Variants in TNFRSF13B observed in about 807,000 individuals in gnomAD.
The protein encoded by TNFRSF13B is TNF receptor superfamily member 13B.
TNFRSF13B carries 34 observed loss-of-function variants against 24.0 expected under a neutral mutation model. That is an observed-to-expected ratio of 1.41 (90% CI 1.08 to 1.88). TNFRSF13B has a LOEUF of 1.88. Among genes scored for constraint, TNFRSF13B ranks in the 40% most tolerant of loss-of-function variants. TNFRSF13B has a pLI of 0.00. For missense variants in TNFRSF13B, 415 were observed against 380.8 expected, an observed-to-expected ratio of 1.09 and a Z score of -0.75; for synonymous variants, 173 against 150.3, an observed-to-expected ratio of 1.15 and a Z score of -1.10.
chr17:16,939,928 C>G, intron 4 of TNFRSF13B, 131 bp from the exon 5 acceptor site: 2 of 1,313,154 alleles, frequency 1.5e-6, no homozygotes, highest in Non-Finnish European at 2.0e-6. Context: ...CGCCCCCAGA[C>G]AGGTGTCAGT....
chr17:16,948,827 C>T lies in TNFRSF13B; in HGVS notation c.356G>A (p.Arg119Lys), dbSNP rs1432445886. 1 of 1,614,104 alleles carries T rather than the reference C, an allele frequency of 6.2e-7. No individual in the cohort carries two copies. The highest frequency in any genetic ancestry group is 1.3e-5 in the African/African-American group (1 of 74,940). ...TTCAACTTCTCCACTCCGCTGTCTCCTGAGCTCTGGTGGAAGGTTCACTGG... is the reference window on the plus strand; with the variant it reads ...TTCAACTTCTCCACTCCGCTGTCTCTTGAGCTCTGGTGGAAGGTTCACTGG... Reference protein sequence around the residue: ...RSPVNLPPELRRQRSGEVENN... With the variant: ...RSPVNLPPELKRQRSGEVENN... The change falls in exon 3 of 5, where the codon AGG becomes AAG. Residue 119 changes from arginine to lysine, a missense_variant. By Grantham distance (26) the Arg-to-Lys change is conservative. Transcript: ENST00000261652.
At chr17:16,945,516 C>T (rs1331640927) in intron 3 of TNFRSF13B, among the ~76,000 whole-genome samples, 1 of 152,250 alleles carries the variant, frequency 6.6e-6, no homozygotes, top group Non-Finnish European at 1.5e-5. Flanking sequence ...GAGACTCACT[C>T]TCTAGATCTG....
chr17:16,945,143 T>C (rs1345575640), intron 3 of TNFRSF13B, among the ~76,000 whole-genome samples: 1 of 152,174 alleles, frequency 6.6e-6, no homozygotes, highest in Non-Finnish European at 1.5e-5. Flanking sequence ...AGCCGCGCCA[T>C]GGCACAAGTG....
intron 1 of TNFRSF13B, 95 bp from the exon 2 acceptor site, chr17:16,952,678 C>G: frequency 2.5e-6 from 4 of 1,572,376 alleles, no homozygotes; most frequent in Non-Finnish European, 2.6e-6. Context: ...TGCCCACATT[C>G]GCACAGACAA....
chr17:16,945,036 A>G (rs1390050401), intron 3 of TNFRSF13B, among the ~76,000 whole-genome samples: 1 of 152,210 alleles, frequency 6.6e-6, no homozygotes. Context: ...CCATGCAGGC[A>G]TCAGAAGTCA....
intron 3 of TNFRSF13B, among the ~76,000 whole-genome samples, chr17:16,947,397 T>C (rs1478553242): frequency 6.6e-6 from 1 of 152,134 alleles, no homozygotes; most frequent in Non-Finnish European, 1.5e-5. Context: ...AAATAAACTA[T>C]CAGTGTAAAC....
At chr17:16,953,043 A>G (rs2087601142) in intron 1 of TNFRSF13B, among the ~76,000 whole-genome samples, 1 of 152,186 alleles carries the variant, frequency 6.6e-6, no homozygotes, top group Admixed American at 6.5e-5. Flanking sequence ...CCCCTAGACT[A>G]GGACACGGTC....
chr17:16,963,583 A>G (rs2087678394), intron 1 of TNFRSF13B, among the ~76,000 whole-genome samples: 1 of 152,034 alleles, frequency 6.6e-6, no homozygotes, highest in Non-Finnish European at 1.5e-5. Context: ...GGAGTCTGGC[A>G]CTGCCACCCA....
At position 16,948,956 on chromosome 17, in the gene TNFRSF13B, C is replaced by T. The variant is rs772701872; in HGVS notation, c.227G>A (p.Gly76Asp). The T allele has an allele frequency of 1.4e-5, 22 of 1,613,996 alleles. No homozygotes were observed. The South Asian group carries it at 2.3e-4, about 17-fold the overall frequency. ...CRSLSCRKEQ[G>D]KFYDHLLRDC... ...CCTCAGGAGATGGTCATAGAACTTG[C>T]CTTGCTCCTTGCGGCAGCTGAGTGA... Residue 76 changes from glycine to aspartate, a missense_variant, in exon 3 of 5, where the codon GGC (glycine) becomes GAC (aspartate). Gly to Asp is a moderately conservative substitution (Grantham distance 94). Transcript: ENST00000261652.
rs104894650 is a variant in TNFRSF13B at position 16,948,752 on chromosome 17, G to A, written c.431C>T (p.Ser144Leu). ...GRYQGLEHRG[S>L]EASPALPGLK... is the part of the protein sequence containing the mutation. ...GGGTGGCTTACCTGGACTTGCTTCT[G>A]AGCCTCTGTGCTCCAATCCTTGGTA... The change falls in exon 3 of 5, where the codon TCA becomes TTA. Residue 144 changes from serine to leucine, a missense_variant. Coordinates refer to ENST00000261652, the MANE Select transcript of TNFRSF13B (RefSeq NM_012452.3). 1.3e-5 allele frequency: 21 copies of A among 1,613,948 alleles called. No individual in the cohort carries two copies. The East Asian group carries it at 3.8e-4, about 29-fold the overall frequency.
In TNFRSF13B at chr17:16,939,471, CCCCTCTCCCCA is replaced by C. The variant is rs1482433716; in HGVS notation, c.*65_*75del. 87 of 1,494,926 alleles carry C rather than the reference CCCCTCTCCCCA, an allele frequency of 5.8e-5. No individual in the cohort carries two copies. Among genetic ancestry groups the C allele is most frequent in the Non-Finnish European group, 7.6e-5 (84 of 1,106,074 alleles). The allele number at this position is 1,494,926 out of a possible 1,614,324, so 92.6% of individuals were successfully genotyped here. On this transcript the variant is annotated 3_prime_UTR_variant, in exon 5 of 5. Transcript: ENST00000261652. ...TGTCTCTCTCTCCTCATATCTCTCTCCCCTCTCCCCACCTCTCTTTCTCTCTCCCCTCCTCT... is the reference window on the plus strand; with the variant it reads ...TGTCTCTCTCTCCTCATATCTCTCTCCCTCTCTTTCTCTCTCCCCTCCTCT...
At chr17:16,967,827 G>T (rs1732183677) in intron 1 of TNFRSF13B, among the ~76,000 whole-genome samples, 1 of 136,820 alleles carries the variant, frequency 7.3e-6, no homozygotes, top group African/African-American at 2.7e-5. Flanking sequence ...AAATATTTAA[G>T]AAAAAATTTA....
At chr17:16,966,839 C>CTTTTTT (rs71152837) in intron 1 of TNFRSF13B, among the ~76,000 whole-genome samples, 6 of 47,298 alleles carry the variant, frequency 1.3e-4, no homozygotes, top group Non-Finnish European at 2.6e-4. Context: ...TTTCTTTTTT[C>CTTTTTT]TTTTTTTTTT....
chr17:16,971,173 G>A (rs1380008737), intron 1 of TNFRSF13B, among the ~76,000 whole-genome samples: 1 of 152,016 alleles, frequency 6.6e-6, no homozygotes, highest in African/African-American at 2.4e-5. Flanking sequence ...CGTGGCGAAA[G>A]CCTATCTCTA....
chr17:16,964,220 T>A (rs1261985590), intron 1 of TNFRSF13B, among the ~76,000 whole-genome samples: 1 of 152,066 alleles, frequency 6.6e-6, no homozygotes, highest in Non-Finnish European at 1.5e-5. Flanking sequence ...TATATGCTTT[T>A]TCCCCGGGCT....
At chr17:16,971,560 G>A (rs1283773470) in intron 1 of TNFRSF13B, among the ~76,000 whole-genome samples, 1 of 152,210 alleles carries the variant, frequency 6.6e-6, no homozygotes, top group African/African-American at 2.4e-5. Flanking sequence ...GGCGGGCTAT[G>A]TGATGATGTT....
chr17:16,962,997 T>C (rs1349942650), intron 1 of TNFRSF13B, among the ~76,000 whole-genome samples: 2 of 152,154 alleles, frequency 1.3e-5, no homozygotes, highest in Non-Finnish European at 2.9e-5. Context: ...CTGAGCCACT[T>C]TGGGGATGAG....
chr17:16,944,172 C>A (rs868370043), intron 3 of TNFRSF13B, among the ~76,000 whole-genome samples: 1 of 152,120 alleles, frequency 6.6e-6, no homozygotes, highest in Non-Finnish European at 1.5e-5. Context: ...GCTGGGAGCC[C>A]GAGAGGAAGG....
chr17:16,968,562 C>T (rs968103082), intron 1 of TNFRSF13B, among the ~76,000 whole-genome samples: 30 of 152,266 alleles, frequency 2.0e-4, no homozygotes, highest in African/African-American at 6.3e-4. Context: ...AACATTAACT[C>T]AAAGTAGATC....
Sources: gnomAD v4.1 joint callset for allele counts (sites outside exome capture counted in the v4.1 genomes callset) on GRCh38, gnomAD v4.1.1 for gene constraint, MANE v1.5 for transcripts, NCBI Gene and HGNC (gene_info 2026-07-23, HGNC 2026-07-21) for gene names.